AK7: variants seen among roughly 807,000 people sequenced by gnomAD.
The protein encoded by AK7 is adenylate kinase 7.
A neutral mutation model predicts 96.6 loss-of-function variants in AK7; 78 were observed. That is an observed-to-expected ratio of 0.81 (90% confidence interval 0.67 to 0.97). AK7 has a LOEUF of 0.97. Ranked by LOEUF, AK7 falls within the 50% of genes least tolerant of loss-of-function variation. The pLI is 0.00. For missense variants in AK7, 855 were observed against 887.9 expected (o/e 0.96, Z 0.47); for synonymous variants, 302 against 317.2 (o/e 0.95, Z 0.51).
At chr14:96,452,763 C>T (rs1893681835) in intron 10 of AK7, among the ~76,000 whole-genome samples, 1 of 151,914 alleles carries the variant, frequency 6.6e-6, no homozygotes, top group Non-Finnish European at 1.5e-5. Flanking sequence ...GGTTCAAGTG[C>T]CTCAGCCTCC....
At chr14:96,413,681 T>C (rs1891170476) in intron 4 of AK7, among the ~76,000 whole-genome samples, 1 of 152,196 alleles carries the variant, frequency 6.6e-6, no homozygotes, top group African/African-American at 2.4e-5. Context: ...TTACCCAACA[T>C]TGAATATGCT....
intron 1 of AK7, among the ~76,000 whole-genome samples, chr14:96,394,831 C>T (rs1014522974): frequency 3.3e-5 from 5 of 152,114 alleles, no homozygotes; most frequent in African/African-American, 1.2e-4. Flanking sequence ...CAAAAATTAG[C>T]CAGGTGTGGT....
chr14:96,438,259 GAGAT>G (rs1892759535), intron 6 of AK7, among the ~76,000 whole-genome samples: 1 of 152,196 alleles, frequency 6.6e-6, no homozygotes, highest in Admixed American at 6.6e-5. Flanking sequence ...GATGGAGAAA[GAGAT>G]AGATAATAAG....
chr14:96,432,828 C>CA (rs569057680), intron 5 of AK7, among the ~76,000 whole-genome samples: 15,411 of 125,862 alleles, frequency 0.12, 908 homozygotes, highest in African/African-American at 0.16. Flanking sequence ...ACTAAAAATA[C>CA]AAAAAAAAAA....
Position 96,446,865 on chromosome 14 carries a change from A to G in AK7, c.870+258A>G, listed in dbSNP as rs531419950. Reference sequence around the variant, plus strand: ...TGAGACAGGAGAATCGCTTGAACCCAGGAGACGGTGGTTGCAGTGAGCCAA... The same window carrying G: ...TGAGACAGGAGAATCGCTTGAACCCGGGAGACGGTGGTTGCAGTGAGCCAA... On this transcript the variant is annotated intron_variant, in intron 8 of 17. Transcript: ENST00000267584. 2.4e-3 allele frequency among the ~76,000 whole-genome samples: 371 copies of G among 152,196 alleles called. 5 individuals carry two copies. Among genetic ancestry groups the G allele is most frequent in the African/African-American group, 8.2e-3 (342 of 41,522 alleles).
Position 96,451,445 on chromosome 14 carries a change from G to A in AK7, c.973G>A (p.Val325Ile). The change falls in exon 10 of 18, where the codon GTC becomes ATC. Residue 325 changes from valine to isoleucine, a missense_variant. Val to Ile is a conservative substitution (Grantham distance 29). Transcript: ENST00000267584. Reference sequence around the variant, plus strand: ...GCAAGATTGTCTTGACCATTTACTGGTCAACTTAAGAATGGAAGCGCTCTT... The same window carrying A: ...GCAAGATTGTCTTGACCATTTACTGATCAACTTAAGAATGGAAGCGCTCTT... ...LTQDCLDHLL[V>I]NLRMEALFVK... is the part of the protein sequence containing the mutation. 1 of 1,582,494 alleles carries A rather than the reference G, an allele frequency of 6.3e-7. No homozygotes were observed. The highest frequency in any genetic ancestry group is 8.6e-7 in the Non-Finnish European group (1 of 1,164,174).
chr14:96,452,506 A>C (rs1893663290), intron 10 of AK7, among the ~76,000 whole-genome samples: 1 of 151,936 alleles, frequency 6.6e-6, no homozygotes, highest in Non-Finnish European at 1.5e-5. Context: ...TTGTAATTTT[A>C]GTAGAGACGG....
In AK7 at chr14:96,478,456, T is replaced by C. The variant is rs1220561460; in HGVS notation, c.1556-9T>C. The C allele has an allele frequency of 3.1e-6, 5 of 1,614,078 alleles. No homozygotes were observed. The highest frequency in any genetic ancestry group is 3.4e-6 in the Non-Finnish European group (4 of 1,179,954). ...TTGTGCCAACTCTGGAGTCTGTCCTTCTCCCCAGAATTCGTTTGTGCACTG... is the reference window on the plus strand; with the variant it reads ...TTGTGCCAACTCTGGAGTCTGTCCTCCTCCCCAGAATTCGTTTGTGCACTG... On this transcript the variant is annotated splice_polypyrimidine_tract_variant and intron_variant, in intron 14 of 17. Transcript: ENST00000267584.
chr14:96,430,056 T>G (rs1008032511), intron 5 of AK7, among the ~76,000 whole-genome samples: 2 of 152,208 alleles, frequency 1.3e-5, no homozygotes, highest in Middle Eastern at 3.2e-3. Flanking sequence ...TCAAAGGGAA[T>G]GCTTCCAGTT....
At chr14:96,400,241 A>T (rs904111236) in intron 2 of AK7, among the ~76,000 whole-genome samples, 3 of 151,904 alleles carry the variant, frequency 2.0e-5, no homozygotes, top group Non-Finnish European at 4.4e-5. Context: ...GGTTTCACTA[A>T]GTTGTCCAGG....
intron 4 of AK7, 83 bp from the exon 5 acceptor site, chr14:96,420,739 C>T: frequency 2.0e-6 from 2 of 981,328 alleles, no homozygotes; most frequent in Non-Finnish European, 3.1e-6. Flanking sequence ...TTTATTTGAG[C>T]TTAAAGGAAC....
At chr14:96,411,285 G>A (rs575860062) in intron 4 of AK7, among the ~76,000 whole-genome samples, 196 of 152,264 alleles carry the variant, frequency 1.3e-3, no homozygotes, top group African/African-American at 4.6e-3. Flanking sequence ...CAAGGCAGGC[G>A]GATCACTTGA....
intron 2 of AK7, 89 bp from the exon 3 acceptor site, chr14:96,404,668 T>C: frequency 1.2e-6 from 1 of 814,062 alleles, no homozygotes; most frequent in Non-Finnish European, 2.0e-6. Flanking sequence ...CAGTGTAGCA[T>C]ATGTATTTTG....
chr14:96,406,568 C>T (rs140713745), intron 3 of AK7, among the ~76,000 whole-genome samples: 48 of 152,284 alleles, frequency 3.2e-4, no homozygotes, highest in African/African-American at 1.1e-3. Flanking sequence ...CAATCTGTCA[C>T]CAGAGTCACC....
chr14:96,416,650 A>G (rs772548500), intron 4 of AK7, among the ~76,000 whole-genome samples: 1 of 152,212 alleles, frequency 6.6e-6, no homozygotes, highest in Non-Finnish European at 1.5e-5. Flanking sequence ...AAGGTCAACC[A>G]CTTACCCTTT....
chr14:96,435,509 G>A (rs866294421), intron 5 of AK7, among the ~76,000 whole-genome samples: 59 of 152,232 alleles, frequency 3.9e-4, no homozygotes, highest in African/African-American at 1.3e-3. Context: ...TAGAGGAGAG[G>A]TGGTACCAGT....
In AK7 at chr14:96,478,691, A is replaced by G. The variant is rs751349875; in HGVS notation, c.1753+29A>G. 35 of 1,606,428 alleles carry G rather than the reference A, an allele frequency of 2.2e-5. 1 individual carries two copies. In the South Asian group the frequency reaches 3.4e-4, roughly 16 times the overall value. ...TGAAATGAATTCAAGGATAATGTGA[A>G]TGTCCAGGACCCCCAGCAAAGCTTG... On this transcript the variant is annotated intron_variant, in intron 15 of 17. Transcript: ENST00000267584.
At chr14:96,440,761 C>T (rs1004611709) in intron 6 of AK7, among the ~76,000 whole-genome samples, 10 of 152,174 alleles carry the variant, frequency 6.6e-5, no homozygotes, top group Non-Finnish European at 1.2e-4. Context: ...TAAGGATGCA[C>T]GCCCAGGAGA....
chr14:96,439,730 C>A (rs1285687577), intron 6 of AK7, among the ~76,000 whole-genome samples: 1 of 149,972 alleles, frequency 6.7e-6, no homozygotes, highest in Non-Finnish European at 1.5e-5. Context: ...TGCAGATAAT[C>A]AACTAAGATG....
Sources: allele counts gnomAD v4.1 joint callset (sites outside exome capture counted in the v4.1 genomes callset), GRCh38; gene constraint gnomAD v4.1.1; transcripts MANE v1.5; gene names NCBI Gene and HGNC (gene_info 2026-07-23, HGNC 2026-07-21).